PTCH1: variants seen among roughly 807,000 people sequenced by gnomAD.
PTCH1 encodes protein patched homolog 1.
In PTCH1, 14 loss-of-function variants were observed where a neutral mutation model predicts 144.6. The ratio of observed to expected loss-of-function variants is 0.10; its 90% CI spans 0.06 to 0.15. The LOEUF is 0.15. Ranked by LOEUF, PTCH1 falls within the 10% of genes least tolerant of loss-of-function variation. PTCH1 has a pLI of 1.00. For missense variants in PTCH1, 1,623 were observed against 1,948.3 expected (o/e 0.83, Z 3.14); for synonymous variants, 833 against 793.6 (o/e 1.05, Z -0.83).
chr9:95,447,212 G>C lies in PTCH1; in HGVS notation c.4044C>G (p.Asn1348Lys), dbSNP rs1412873206. ...RWGPRGARSH[N>K]PRNPASTAMG... is the part of the protein sequence containing the mutation. ...TGGCAGTGGACGCTGGGTTCCGAGG[G>C]TTGTGAGAACGGGCCCCGCGAGGGC... Residue 1348 changes from asparagine to lysine, a missense_variant, in exon 23 of 24, where the codon AAC (asparagine) becomes AAG (lysine). Transcript: ENST00000331920. 6.2e-7 allele frequency: 1 copy of C among 1,612,992 alleles called. No homozygotes were observed. The highest frequency in any genetic ancestry group is 1.3e-5 in the African/African-American group (1 of 75,062).
rs56173896 is a variant in PTCH1 at position 95,461,879 on chromosome 9, C to T, written c.2680G>A (p.Asp894Asn). The T allele has an allele frequency of 2.0e-4, 326 of 1,614,224 alleles. No individual in the cohort carries two copies. The African/African-American group carries it at 2.3e-3, about 11-fold the overall frequency. Reference protein sequence around the residue: ...YKLLVQTGSRDKPIDISQLTK... With the variant: ...YKLLVQTGSRNKPIDISQLTK... ...ACCTGGCTGATGTCGATGGGCTTAT[C>T]GCGGCTGCCGGTTTGCACCAGGAGT... The change falls in exon 16 of 24, where the codon GAT becomes AAT. Residue 894 changes from aspartate (D) to asparagine (N), a missense_variant. Asp to Asn is a conservative substitution (Grantham distance 23). This residue lies in a region of PTCH1 where 504 missense variants were observed against 679.3 expected (regional missense o/e 0.74). Transcript: ENST00000331920.
intron 3 of PTCH1, 107 bp downstream of exon 3, chr9:95,485,578 G>A: frequency 7.6e-7 from 1 of 1,307,952 alleles, no homozygotes; most frequent in Non-Finnish European, 1.1e-6. Flanking sequence ...TACTCCAGGT[G>A]CATTTCCAGG....
intron 2 of PTCH1, among the ~76,000 whole-genome samples, chr9:95,498,231 C>A (rs187765888): frequency 6.6e-6 from 1 of 152,156 alleles, no homozygotes; most frequent in East Asian, 1.9e-4. Context: ...ATAAAGCTTG[C>A]GCTGTGGTAT....
At chr9:95,512,182 C>G (rs1844190760), upstream of PTCH1, among the ~76,000 whole-genome samples, 1 of 152,228 alleles carries the variant, frequency 6.6e-6, no homozygotes. Flanking sequence ...AGGCCCATAT[C>G]CCTTAGTTTG....
Position 95,445,081 on chromosome 9 carries a change from C to A in PTCH1, c.*1312G>T, listed in dbSNP as rs1415452043. On this transcript the variant is annotated 3_prime_UTR_variant, in exon 24 of 24. Coordinates refer to ENST00000331920, the MANE Select transcript of PTCH1 (RefSeq NM_000264.5). ...GAATCCCCCCGGAGCTCTTATCCTACATAATGCCTGCCTCTACACCACAAT... is the reference window on the plus strand; with the variant it reads ...GAATCCCCCCGGAGCTCTTATCCTAAATAATGCCTGCCTCTACACCACAAT... The A allele has an allele frequency of 6.6e-6, 1 of 152,170 alleles. No individual in the cohort carries two copies. Among genetic ancestry groups the A allele is most frequent in the Admixed American group, 6.5e-5 (1 of 15,272 alleles). The allele number at this position is 152,170 out of a possible 1,614,324, so 9.4% of individuals were successfully genotyped here. A position where few individuals can be genotyped will look rare whatever the true frequency, so the allele number is the denominator to read the frequency against.
At chr9:95,505,937 C>T (rs1843562706) in intron 2 of PTCH1, among the ~76,000 whole-genome samples, 1 of 147,224 alleles carries the variant, frequency 6.8e-6, no homozygotes, top group Non-Finnish European at 1.5e-5. Context: ...CGCGCACACT[C>T]CAGCCAGCCG....
At chr9:95,473,267 G>C (rs1229472913) in intron 12 of PTCH1, among the ~76,000 whole-genome samples, 23 of 152,208 alleles carry the variant, frequency 1.5e-4, no homozygotes. Flanking sequence ...AATTGGAGGA[G>C]TTTTATATGG....
upstream of PTCH1, among the ~76,000 whole-genome samples, chr9:95,512,250 C>T (rs903330055): frequency 3.9e-5 from 6 of 152,232 alleles, no homozygotes; most frequent in Admixed American, 3.9e-4. Context: ...CCCTGAGCCC[C>T]CTCGCCCGCT....
intron 3 of PTCH1, among the ~76,000 whole-genome samples, chr9:95,484,839 C>T (rs775660002): frequency 6.6e-6 from 1 of 152,226 alleles, no homozygotes. Flanking sequence ...GAGTTTTGAA[C>T]TCTTCCTAAT....
At chr9:95,512,300 C>G (rs1362774945), upstream of PTCH1, among the ~76,000 whole-genome samples, 1 of 152,192 alleles carries the variant, frequency 6.6e-6, no homozygotes, top group African/African-American at 2.4e-5. Context: ...GACAATGGTC[C>G]CGGCCTGTAA....
At chr9:95,495,425 T>C (rs953303981) in intron 2 of PTCH1, 1 of 151,476 alleles carries the variant, frequency 6.6e-6, no homozygotes, top group African/African-American at 2.4e-5. Flanking sequence ...ACCCATGTGA[T>C]TCTTTTTTTT....
intron 15 of PTCH1, among the ~76,000 whole-genome samples, chr9:95,465,084 TA>T (rs570202502): frequency 1.1e-3 from 160 of 146,038 alleles, no homozygotes; most frequent in East Asian, 2.4e-3. Context: ...AAATGCACCT[TA>T]AAAAAAAAAA....
chr9:95,504,275 CTT>C (rs1277476830), intron 2 of PTCH1, among the ~76,000 whole-genome samples: 2 of 152,052 alleles, frequency 1.3e-5, no homozygotes, highest in African/African-American at 4.8e-5. Context: ...AAAAGAAAAA[CTT>C]TACTCCCTCT....
chr9:95,465,414 C>A (rs1040789883), intron 15 of PTCH1, among the ~76,000 whole-genome samples: 3 of 152,178 alleles, frequency 2.0e-5, no homozygotes, highest in African/African-American at 4.8e-5. Flanking sequence ...TCTCTTTTAA[C>A]TCATTATCCC....
At chr9:95,515,984 C>T (rs1051930808) in intron 1 of PTCH1, among the ~76,000 whole-genome samples, 9 of 152,086 alleles carry the variant, frequency 5.9e-5, no homozygotes, top group Non-Finnish European at 8.8e-5. Flanking sequence ...CGCGCGCGCG[C>T]TCTGAGCCCC....
At chr9:95,454,052 C>T (rs576402988) in intron 19 of PTCH1, among the ~76,000 whole-genome samples, 6 of 152,162 alleles carry the variant, frequency 3.9e-5, no homozygotes, top group Non-Finnish European at 7.3e-5. Flanking sequence ...CACTTCCTCA[C>T]GATTATGCAG....
At chr9:95,516,160 G>T (rs1342819896) in intron 1 of PTCH1, among the ~76,000 whole-genome samples, 1 of 151,232 alleles carries the variant, frequency 6.6e-6, no homozygotes, top group Admixed American at 6.6e-5. Context: ...AATTCCCCCC[G>T]GAGCCGTTCC....
intron 1 of PTCH1, 177 bp from the exon 2 acceptor site, chr9:95,506,776 T>G (rs1176498461): frequency 9.4e-7 from 1 of 1,066,076 alleles, no homozygotes; most frequent in East Asian, 3.5e-5. Flanking sequence ...CATGGGGGGC[T>G]CGGTCATAAA....
rs1843904468 is a variant in PTCH1, at chr9:95,508,298, C to T, written c.64G>A (p.Gly22Ser). 1.4e-6 allele frequency: 2 copies of T among 1,451,006 alleles called. No homozygotes were observed. Among genetic ancestry groups the T allele is most frequent in the Non-Finnish European group, 1.8e-6 (2 of 1,107,866 alleles). 89.9% of individuals were successfully genotyped at this position (1,451,006 alleles called of 1,614,324 possible). The change falls in exon 1 of 24, where the codon GGT becomes AGT. Residue 22 changes from glycine to serine, a missense_variant. By Grantham distance (56) the Gly-to-Ser change is moderately conservative. Transcript: ENST00000331920. ...DRGGGGSGCI[G>S]APGRPAGGGR... ...CCTCCAGCCGGCCGTCCCGGGGCACCGATACAGCCGCTGCCGCCGCCGCCG... is the reference window on the plus strand; with the variant it reads ...CCTCCAGCCGGCCGTCCCGGGGCACTGATACAGCCGCTGCCGCCGCCGCCG...
Sources: gnomAD v4.1 joint callset for allele counts (sites outside exome capture counted in the v4.1 genomes callset) on GRCh38, gnomAD v4.1.1 for gene constraint, gnomAD v4.1.1 regional missense constraint, MANE v1.5 for transcripts, NCBI Gene and HGNC (gene_info 2026-07-23, HGNC 2026-07-21) for gene names.